Variants in NT5DC3 observed in about 807,000 individuals in gnomAD.
NT5DC3 encodes the protein 5'-nucleotidase domain containing 3, also known as 5'-nucleotidase domain-containing protein 3.
In NT5DC3, 42 loss-of-function variants were observed where a neutral mutation model predicts 67.8. The ratio of observed to expected loss-of-function variants is 0.62; its 90% CI spans 0.48 to 0.80. NT5DC3 has a LOEUF of 0.80. NT5DC3 is among the 30% of genes least tolerant of loss of function. The probability of loss-of-function intolerance (pLI) is 0.00; values close to 1 mark genes in which losing one functional copy is unlikely to be tolerated. For missense variants in NT5DC3, 570 were observed against 696.4 expected (o/e 0.82, Z 2.04); for synonymous variants, 237 against 255.6 (o/e 0.93, Z 0.69).
the NT5DC3 span, among the ~76,000 whole-genome samples, chr12:103,748,091 T>C: frequency 2.0e-5 from 3 of 152,168 alleles, no homozygotes; most frequent in African/African-American, 7.2e-5. Flanking sequence ...TTTCTAATAT[T>C]TTTCATGGAT....
intron 6 of NT5DC3, 89 bp from the exon 7 acceptor site, chr12:103,794,086 T>C: frequency 1.0e-6 from 1 of 994,914 alleles, no homozygotes; most frequent in Non-Finnish European, 1.6e-6. Flanking sequence ...TGGTAACTTC[T>C]GTCCCTAGAA....
chr12:103,819,862 A>G (rs1887420066), intron 1 of NT5DC3: 1 of 152,254 alleles, frequency 6.6e-6, no homozygotes. Context: ...TTGTGCAACC[A>G]TCACCACCAT....
the NT5DC3 span, chr12:103,746,538 G>A: frequency 1.3e-6 from 2 of 1,537,018 alleles, no homozygotes; most frequent in East Asian, 2.3e-5. Flanking sequence ...AGTCTCCTTA[G>A]ATGGGTTTTA....
intron 11 of NT5DC3, among the ~76,000 whole-genome samples, chr12:103,786,736 G>A (rs908348311): frequency 6.9e-6 from 1 of 144,462 alleles, no homozygotes; most frequent in East Asian, 2.2e-4. Flanking sequence ...AGGCTAGAGT[G>A]CAATGGCATG....
At chr12:103,746,682 A>G in the NT5DC3 span, 1 of 1,613,974 alleles carries the variant, frequency 6.2e-7, no homozygotes, top group Non-Finnish European at 8.5e-7. Context: ...TGGATTATGA[A>G]GGTGACGGAA....
At chr12:103,779,798 A>G (rs1423169818) in intron 13 of NT5DC3, among the ~76,000 whole-genome samples, 2 of 152,180 alleles carry the variant, frequency 1.3e-5, no homozygotes. Flanking sequence ...ACACCCACCA[A>G]ACTTTTCTTA....
At chr12:103,755,021 C>A in the NT5DC3 span, 4,933 of 388,596 alleles carry the variant, frequency 0.013, 236 homozygotes, top group East Asian at 0.089. Flanking sequence ...CACCTAGTAT[C>A]AATGGATGAC....
chr12:103,780,804 A>G (rs1359354039), intron 12 of NT5DC3, among the ~76,000 whole-genome samples: 1 of 152,218 alleles, frequency 6.6e-6, no homozygotes, highest in Non-Finnish European at 1.5e-5. Flanking sequence ...ATACATGTGT[A>G]CAAACGTTAT....
chr12:103,818,269 G>A (rs902852200), intron 1 of NT5DC3, among the ~76,000 whole-genome samples: 13 of 151,984 alleles, frequency 8.6e-5, no homozygotes, highest in African/African-American at 3.1e-4. Flanking sequence ...CACTCACACT[G>A]ACAATCTAGA....
At chr12:103,813,090 C>G (rs1418636512) in intron 2 of NT5DC3, among the ~76,000 whole-genome samples, 1 of 152,222 alleles carries the variant, frequency 6.6e-6, no homozygotes, top group African/African-American at 2.4e-5. Context: ...AATCAATGAA[C>G]ACTGCCACTG....
intron 1 of NT5DC3, among the ~76,000 whole-genome samples, chr12:103,833,648 T>G (rs954744363): frequency 6.6e-6 from 1 of 151,072 alleles, no homozygotes; most frequent in Non-Finnish European, 1.5e-5. Context: ...TTCCACAATT[T>G]AATACAGCCT....
At chr12:103,765,165 G>C in the NT5DC3 span, among the ~76,000 whole-genome samples, 1 of 149,818 alleles carries the variant, frequency 6.7e-6, no homozygotes, top group South Asian at 2.1e-4. Context: ...CTGTTATGCT[G>C]AAATCACCTT....
the NT5DC3 span, among the ~76,000 whole-genome samples, chr12:103,760,205 T>C: frequency 6.6e-6 from 1 of 152,174 alleles, no homozygotes; most frequent in Non-Finnish European, 1.5e-5. Context: ...CAACTGCCGT[T>C]TCTCAAGTGA....
At chr12:103,751,624 C>T in the NT5DC3 span, among the ~76,000 whole-genome samples, 1 of 152,136 alleles carries the variant, frequency 6.6e-6, no homozygotes, top group African/African-American at 2.4e-5. Context: ...GATAAAAATG[C>T]ACAGCTGGGA....
chr12:103,831,925 T>C (rs895012511), intron 1 of NT5DC3, among the ~76,000 whole-genome samples: 1 of 151,868 alleles, frequency 6.6e-6, no homozygotes, highest in East Asian at 1.9e-4. Flanking sequence ...TACAGGCTCA[T>C]GCCACCTCGT....
At chr12:103,785,031 A>G (rs1399315056) in intron 12 of NT5DC3, among the ~76,000 whole-genome samples, 1 of 152,198 alleles carries the variant, frequency 6.6e-6, no homozygotes, top group East Asian at 1.9e-4. Flanking sequence ...AGACAGAACC[A>G]GCACAGACTC....
At chr12:103,826,000 T>C (rs1471040918) in intron 1 of NT5DC3, among the ~76,000 whole-genome samples, 1 of 152,220 alleles carries the variant, frequency 6.6e-6, no homozygotes, top group African/African-American at 2.4e-5. Flanking sequence ...AAGCAGCAGC[T>C]GGCCCAAAGT....
At chr12:103,753,353 G>A in the NT5DC3 span, 7 of 1,614,120 alleles carry the variant, frequency 4.3e-6, no homozygotes, top group Non-Finnish European at 5.9e-6. Context: ...ATGCCCAGAA[G>A]GTGGGTCTTC....
At chr12:103,811,034 A>AT (rs1399608425) in intron 2 of NT5DC3, among the ~76,000 whole-genome samples, 1 of 152,230 alleles carries the variant, frequency 6.6e-6, no homozygotes, top group Non-Finnish European at 1.5e-5. Context: ...CTGGCCCCAC[A>AT]TGAAGCACAA....
Sources: allele counts gnomAD v4.1 joint callset (sites outside exome capture counted in the v4.1 genomes callset), GRCh38; gene constraint gnomAD v4.1.1; transcripts MANE v1.5; gene names NCBI Gene and HGNC (gene_info 2026-07-23, HGNC 2026-07-21).